The following RBFOX3 variants were observed in gnomAD, a reference collection of about 807,000 sequenced individuals.
RBFOX3 encodes RNA binding fox-1 homolog 3.
RBFOX3 carries 17 observed loss-of-function variants against 48.7 expected under a neutral mutation model. That is an observed-to-expected ratio of 0.35 (90% confidence interval 0.24 to 0.52). The LOEUF is 0.52. RBFOX3 is among the 20% of genes least tolerant of loss of function. RBFOX3 has a pLI of 0.94. For synonymous variants in RBFOX3, 212 were observed against 209.5 expected (o/e 1.01, Z -0.10); for missense variants, 382 against 497.5 (o/e 0.77, Z 2.21).
At chr17:79,452,973 C>A (rs1045000966) in intron 2 of RBFOX3, among the ~76,000 whole-genome samples, 1 of 152,220 alleles carries the variant, frequency 6.6e-6, no homozygotes, top group African/African-American at 2.4e-5. Context: ...CCCACTGAGA[C>A]GTGCAGCTTG....
rs988461538 is a variant in RBFOX3, at chr17:79,115,751, G to A, written c.-33-3C>T. On this transcript the variant is annotated splice_region_variant and splice_polypyrimidine_tract_variant and intron_variant, in intron 4 of 14. Transcript: ENST00000693108. ...GGAGCCGTGGCGTCCTGATCGCTCT[G>A]TGGAAGGAGAGAGAGCAAGGCCTGG... is the stretch of plus-strand genomic sequence containing the variant. The A allele has an allele frequency of 1.4e-6, 1 of 697,794 alleles. No individual in the cohort carries two copies. The highest frequency in any genetic ancestry group is 2.5e-6 in the Non-Finnish European group (1 of 398,960). The allele number at this position is 697,794 out of a possible 1,614,324, so 43.2% of individuals were successfully genotyped here.
chr17:79,270,644 C>T (rs2067499734), intron 3 of RBFOX3, among the ~76,000 whole-genome samples: 1 of 152,258 alleles, frequency 6.6e-6, no homozygotes. Flanking sequence ...GACTGGTCCC[C>T]CTCCAGGTGC....
intron 2 of RBFOX3, among the ~76,000 whole-genome samples, chr17:79,383,712 A>G (rs900063949): frequency 6.6e-6 from 1 of 152,168 alleles, no homozygotes; most frequent in Non-Finnish European, 1.5e-5. Context: ...GTTAATGCCC[A>G]GAGCTTGGTG....
At chr17:79,124,637 G>A (rs981772070) in intron 4 of RBFOX3, among the ~76,000 whole-genome samples, 4 of 118,464 alleles carry the variant, frequency 3.4e-5, no homozygotes, top group Admixed American at 1.8e-4. Context: ...CTCGGGTGTG[G>A]GGGCAGAGGG....
At chr17:79,225,934 G>A (rs892890219) in intron 4 of RBFOX3, among the ~76,000 whole-genome samples, 3 of 151,984 alleles carry the variant, frequency 2.0e-5, no homozygotes, top group Non-Finnish European at 4.4e-5. Context: ...AGTGGTGGGG[G>A]AAGCAGGATG....
At chr17:79,603,405 C>G (rs2145404642) in intron 1 of RBFOX3, among the ~76,000 whole-genome samples, 1 of 152,320 alleles carries the variant, frequency 6.6e-6, no homozygotes, top group East Asian at 1.9e-4. Context: ...GATGGCCTGA[C>G]CCGGGTAACA....
the RBFOX3 span, among the ~76,000 whole-genome samples, chr17:79,633,770 T>C: frequency 6.6e-6 from 1 of 152,146 alleles, no homozygotes; most frequent in Non-Finnish European, 1.5e-5. Flanking sequence ...CCTGGCTCCT[T>C]CTCTCATCCT....
intron 1 of RBFOX3, among the ~76,000 whole-genome samples, chr17:79,564,355 G>A (rs2092373943): frequency 6.6e-6 from 1 of 152,272 alleles, no homozygotes; most frequent in South Asian, 2.1e-4. Context: ...TGGTGTAGTG[G>A]GAACCTGCCT....
chr17:79,558,765 G>C (rs1236339298), intron 1 of RBFOX3, among the ~76,000 whole-genome samples: 4 of 152,174 alleles, frequency 2.6e-5, no homozygotes, highest in Non-Finnish European at 5.9e-5. Context: ...GTGGGCCTGC[G>C]GGGAGCAGGA....
intron 3 of RBFOX3, among the ~76,000 whole-genome samples, chr17:79,292,608 A>G (rs1193764407): frequency 7.1e-5 from 5 of 70,562 alleles, no homozygotes; most frequent in East Asian, 4.7e-4. Context: ...ACGCACACAC[A>G]CACACACATA....
intron 2 of RBFOX3, among the ~76,000 whole-genome samples, chr17:79,371,519 G>A (rs1175986075): frequency 6.6e-6 from 1 of 152,138 alleles, no homozygotes. Flanking sequence ...GGCTCCTGAA[G>A]GCAGAGCACT....
At chr17:79,536,006 TC>T (rs1190818099) in intron 1 of RBFOX3, among the ~76,000 whole-genome samples, 1 of 151,990 alleles carries the variant, frequency 6.6e-6, no homozygotes, top group African/African-American at 2.4e-5. Flanking sequence ...GTCCTCCCTC[TC>T]CCCACTTTCA....
intron 3 of RBFOX3, among the ~76,000 whole-genome samples, chr17:79,279,248 C>T (rs1368813272): frequency 6.6e-6 from 1 of 152,136 alleles, no homozygotes; most frequent in East Asian, 1.9e-4. Flanking sequence ...GGTGTCTCTG[C>T]TTCTCTAGGT....
chr17:79,097,243 C>T lies in RBFOX3; in HGVS notation c.755+49G>A, dbSNP rs1404390489. ...GCAGGGCCTCCCCATTTCCCTCCTCCCCGCCGTCCTACCCCCTCCTCCACG... is the reference window on the plus strand; with the variant it reads ...GCAGGGCCTCCCCATTTCCCTCCTCTCCGCCGTCCTACCCCCTCCTCCACG... On this transcript the variant is annotated intron_variant, in intron 11 of 14. Transcript: ENST00000693108. The T allele has an allele frequency of 1.0e-5, 15 of 1,465,564 alleles. 1 individual carries two copies. The South Asian group carries it at 1.7e-4, about 16-fold the overall frequency. The allele number at this position is 1,465,564 out of a possible 1,614,324, so 90.8% of individuals were successfully genotyped here.
At chr17:79,591,072 C>T (rs1026319658) in intron 1 of RBFOX3, among the ~76,000 whole-genome samples, 3 of 152,318 alleles carry the variant, frequency 2.0e-5, no homozygotes, top group East Asian at 1.9e-4. Flanking sequence ...GAGCTGTCGC[C>T]GCCCCTTCCT....
At chr17:79,476,793 C>T (rs1430862056) in intron 2 of RBFOX3, among the ~76,000 whole-genome samples, 2 of 151,024 alleles carry the variant, frequency 1.3e-5, no homozygotes, top group African/African-American at 2.4e-5. Flanking sequence ...CTGAAGTGCA[C>T]ACAATTCCTC....
At chr17:79,613,690 G>C (rs1568456083), upstream of RBFOX3, among the ~76,000 whole-genome samples, 1 of 152,142 alleles carries the variant, frequency 6.6e-6, no homozygotes, top group South Asian at 2.1e-4. Context: ...ATTTTAAAAA[G>C]GGGCTGGGCA....
chr17:79,175,938 G>T (rs1217247343), intron 4 of RBFOX3, among the ~76,000 whole-genome samples: 1 of 152,188 alleles, frequency 6.6e-6, no homozygotes, highest in Non-Finnish European at 1.5e-5. Context: ...ACCACCTGGG[G>T]GCTCGCATAC....
intron 2 of RBFOX3, among the ~76,000 whole-genome samples, chr17:79,380,508 TC>T (rs569845753): frequency 2.8e-4 from 42 of 151,420 alleles, no homozygotes; most frequent in Non-Finnish European, 5.2e-4. Context: ...ACCCCTGGGG[TC>T]TGCCCAGAGC....
Sources: allele counts gnomAD v4.1 joint callset (sites outside exome capture counted in the v4.1 genomes callset), GRCh38; gene constraint gnomAD v4.1.1; transcripts MANE v1.5; gene names NCBI Gene and HGNC (gene_info 2026-07-23, HGNC 2026-07-21).